NCOA6: variants seen among roughly 807,000 people sequenced by gnomAD.
NCOA6 encodes the protein NRC RAP250.
NCOA6 carries 49 observed loss-of-function variants against 171.4 expected under a neutral mutation model. The observed-to-expected ratio is 0.29, with a 90% CI of 0.23 to 0.36. The LOEUF (loss-of-function observed/expected upper bound fraction) is 0.36, where lower values mean the gene tolerates loss of function less well. Among genes scored for constraint, NCOA6 ranks in the 10% least tolerant of loss-of-function variants. The pLI, the probability that NCOA6 is intolerant of heterozygous loss-of-function variation, is 1.00. For missense variants in NCOA6, 2,248 were observed against 2,554.5 expected (o/e 0.88, Z 2.59); for synonymous variants, 910 against 927.5 (o/e 0.98, Z 0.34).
chr20:34,783,381 A>G (rs2077567935), intron 2 of NCOA6, among the ~76,000 whole-genome samples: 1 of 152,198 alleles, frequency 6.6e-6, no homozygotes, highest in Admixed American at 6.5e-5. Flanking sequence ...AGATATAAAG[A>G]AGTTACATTT....
rs1414276823 is a variant in NCOA6, at chr20:34,740,635, A to C, written c.5621T>G (p.Leu1874Arg). 6.2e-7 allele frequency: 1 copy of C among 1,614,162 alleles called. No individual in the cohort carries two copies. Among genetic ancestry groups the C allele is most frequent in the Non-Finnish European group, 8.5e-7 (1 of 1,180,030 alleles). Residue 1874 changes from leucine to arginine, a missense_variant, in exon 11 of 15, where the codon CTG becomes CGG. Physicochemically the swap from Leu to Arg is moderately radical, Grantham distance 102 (BLOSUM62 -2). Coordinates refer to ENST00000359003, the MANE Select transcript of NCOA6 (RefSeq NM_014071.5). Reference protein sequence around the residue: ...LMGTEQLSTELDSKTPTPPAP... With the variant: ...LMGTEQLSTERDSKTPTPPAP... ...TGGGGGCGTTGGGGTTTTACTGTCC[A>C]GCTCTGTGGATAACTGCTCTGTTCC...
At chr20:34,778,413 A>C (rs1377639224) in intron 3 of NCOA6, among the ~76,000 whole-genome samples, 3 of 151,824 alleles carry the variant, frequency 2.0e-5, no homozygotes. Context: ...GTTGTTATTC[A>C]ATGGTTAGAG....
chr20:34,757,310 C>G lies in NCOA6; in HGVS notation c.1438G>C (p.Val480Leu). Reference sequence around the variant, plus strand: ...TTAGGTGGCACATTTCCCTGTTGAACCATAGGATTCCGACCCGGAGAGCTG... The same window carrying G: ...TTAGGTGGCACATTTCCCTGTTGAAGCATAGGATTCCGACCCGGAGAGCTG... ...PVSSPGRNPM[V>L]QQGNVPPNFM... The change falls in exon 7 of 15, where the codon GTT (valine) becomes CTT (leucine). Residue 480 changes from valine to leucine, a missense_variant. Coordinates refer to ENST00000359003, the MANE Select transcript of NCOA6 (RefSeq NM_014071.5). 5.0e-6 allele frequency: 8 copies of G among 1,614,072 alleles called. No homozygotes were observed. Among genetic ancestry groups the G allele is most frequent in the Non-Finnish European group, 6.8e-6 (8 of 1,179,964 alleles).
Position 34,757,911 on chromosome 20 carries a change from CTGT to C in NCOA6, c.834_836del (p.Gln285del), listed in dbSNP as rs773261293. The C allele has an allele frequency of 1.1e-5, 17 of 1,613,496 alleles. 1 individual carries two copies. The South Asian group carries it at 1.3e-4, about 13-fold the overall frequency. ...CCTGCAACTGTTGTTGCTGCTGTTG[CTGT>C]TGTTGCTGCTGCTGCTGCTGCTGCT... On this transcript the variant is annotated inframe_deletion, in exon 7 of 15. Coordinates refer to ENST00000359003, the MANE Select transcript of NCOA6 (RefSeq NM_014071.5).
At chr20:34,721,256 A>AC (rs1355612465) in intron 14 of NCOA6, among the ~76,000 whole-genome samples, 1 of 149,034 alleles carries the variant, frequency 6.7e-6, no homozygotes, top group Non-Finnish European at 1.5e-5. Context: ...AAAAAAAAAA[A>AC]AAAAAAAAAA....
At chr20:34,823,004 C>T (rs1056213686) in intron 1 of NCOA6, among the ~76,000 whole-genome samples, 1 of 152,122 alleles carries the variant, frequency 6.6e-6, no homozygotes, top group South Asian at 2.1e-4. Flanking sequence ...TTATGCGCAT[C>T]ATGTCTTTGA....
intron 1 of NCOA6, among the ~76,000 whole-genome samples, chr20:34,811,214 T>TATATATATATATATATAC (rs2078652937): frequency 1.5e-5 from 2 of 129,624 alleles, no homozygotes; most frequent in Non-Finnish European, 3.3e-5. Flanking sequence ...TATATATATA[T>TATATATATATATATATAC]ATATATATAT....
intron 12 of NCOA6, among the ~76,000 whole-genome samples, chr20:34,734,265 T>C (rs908840180): frequency 3.9e-5 from 6 of 152,134 alleles, no homozygotes; most frequent in Non-Finnish European, 8.8e-5. Context: ...GGTTTCGCCA[T>C]GTTGGCCAGG....
Position 34,742,398 on chromosome 20 carries a change from T to C in NCOA6, c.3858A>G (p.Ala1286=). The change falls in exon 11 of 15, where the codon GCA becomes GCG. Residue 1286 remains alanine, a synonymous_variant. Coordinates refer to ENST00000359003, the MANE Select transcript of NCOA6 (RefSeq NM_014071.5). ...NPTTLKAIGQ[A]PSNLTMNPSN... ...AAGGATTCATGGTAAGATTTGAAGG[T>C]GCTTGCCCGATGGCCTTCAAAGTTG... 6.2e-7 allele frequency: 1 copy of C among 1,614,226 alleles called. No individual in the cohort carries two copies. The highest frequency in any genetic ancestry group is 8.5e-7 in the Non-Finnish European group (1 of 1,180,048).
At position 34,757,057 on chromosome 20, in the gene NCOA6, C is replaced by T. The variant is rs187897994; in HGVS notation, c.1528+163G>A. On this transcript the variant is annotated intron_variant, in intron 7 of 14. Coordinates refer to ENST00000359003, the MANE Select transcript of NCOA6 (RefSeq NM_014071.5). Reference sequence around the variant, plus strand: ...ATTTAACCAGTAAGATGCTGCATAACGTATCAAGTTAACTTTAAGTTATAT... The same window carrying T: ...ATTTAACCAGTAAGATGCTGCATAATGTATCAAGTTAACTTTAAGTTATAT... 4.6e-5 allele frequency among the ~76,000 whole-genome samples: 7 copies of T among 152,320 alleles called. No individual in the cohort carries two copies. The East Asian group carries it at 9.6e-4, about 21-fold the overall frequency.
rs2076198423 is a variant in NCOA6, at chr20:34,743,078, G to T, written c.3178C>A (p.Pro1060Thr). The T allele has an allele frequency of 2.5e-6, 4 of 1,613,636 alleles. No individual in the cohort carries two copies. Among genetic ancestry groups the T allele is most frequent in the African/African-American group, 2.7e-5 (2 of 75,038 alleles). Residue 1060 changes from proline (P) to threonine (T), a missense_variant, in exon 11 of 15, where the codon CCC (proline) becomes ACC (threonine). Around this residue, in one of 7 missense-constraint regions of NCOA6, gnomAD observed 352 missense variants for 419.1 expected, o/e 0.84. Transcript: ENST00000359003. ...ATTCTCTGGGAGTCGGGGTTCAGGG[G>T]GCCCCTTGGAGGATGGACATTTTGA... is the stretch of plus-strand genomic sequence containing the variant. ...VSQNVHPPRG[P>T]LNPDSQRMPM...
At chr20:34,821,382 T>C (rs1196049506) in intron 1 of NCOA6, 1 of 152,190 alleles carries the variant, frequency 6.6e-6, no homozygotes, top group Non-Finnish European at 1.5e-5. Flanking sequence ...ACCTCTGACA[T>C]AGATAGTTGT....
intron 2 of NCOA6, among the ~76,000 whole-genome samples, chr20:34,788,177 T>C (rs1410554205): frequency 6.6e-6 from 1 of 151,986 alleles, no homozygotes; most frequent in Non-Finnish European, 1.5e-5. Context: ...GTATTTCATT[T>C]ATTTTAATTT....
intron 14 of NCOA6, among the ~76,000 whole-genome samples, chr20:34,724,998 AG>A (rs1989790360): frequency 6.6e-6 from 1 of 152,318 alleles, no homozygotes; most frequent in African/African-American, 2.4e-5. Context: ...CATGTTGGTC[AG>A]GCTGGTCTCG....
At position 34,742,282 on chromosome 20, in the gene NCOA6, C is replaced by A. The variant is rs2076169776; in HGVS notation, c.3974G>T (p.Ser1325Ile). 6.2e-7 allele frequency: 1 copy of A among 1,614,116 alleles called. No homozygotes were observed. Among genetic ancestry groups the A allele is most frequent in the Non-Finnish European group, 8.5e-7 (1 of 1,180,058 alleles). The change falls in exon 11 of 15, where the codon AGT becomes ATT. Residue 1325 changes from serine to isoleucine, a missense_variant. Ser to Ile is a moderately radical substitution (Grantham distance 142). Coordinates refer to ENST00000359003, the MANE Select transcript of NCOA6 (RefSeq NM_014071.5). ...QSNSGATKRASPSNSRRSSPG... is the reference protein window; with the variant it reads ...QSNSGATKRAIPSNSRRSSPG... Reference sequence around the variant, plus strand: ...ACTAGACCTGCGACTGTTGCTTGGACTTGCCCGTTTTGTTGCTCCAGAATT... The same window carrying A: ...ACTAGACCTGCGACTGTTGCTTGGAATTGCCCGTTTTGTTGCTCCAGAATT...
At chr20:34,726,858 G>A (rs1990013207) in intron 14 of NCOA6, among the ~76,000 whole-genome samples, 1 of 152,038 alleles carries the variant, frequency 6.6e-6, no homozygotes, top group African/African-American at 2.4e-5. Context: ...GGAAGGCTGA[G>A]GCAGGAGAAT....
intron 1 of NCOA6, chr20:34,819,644 T>C (rs2078944659): frequency 6.6e-6 from 1 of 152,118 alleles, no homozygotes. Context: ...GAAAACCAAA[T>C]TAATTTGGCA....
intron 13 of NCOA6, 97 bp from the exon 14 acceptor site, chr20:34,727,504 T>G (rs1284798162): frequency 1.5e-6 from 2 of 1,297,922 alleles, no homozygotes; most frequent in Admixed American, 1.9e-5. Context: ...AGTAGGAGAC[T>G]AAGAACTATA....
chr20:34,810,616 T>C (rs906967473), intron 1 of NCOA6, among the ~76,000 whole-genome samples: 3 of 151,480 alleles, frequency 2.0e-5, no homozygotes, highest in Non-Finnish European at 2.9e-5. Flanking sequence ...AGTGCAGTGG[T>C]GCAATCTCGG....
Sources: gnomAD v4.1 joint callset for allele counts (sites outside exome capture counted in the v4.1 genomes callset) on GRCh38, gnomAD v4.1.1 for gene constraint, gnomAD v4.1.1 regional missense constraint, MANE v1.5 for transcripts, NCBI Gene and HGNC (gene_info 2026-07-23, HGNC 2026-07-21) for gene names.